The following PPM1L variants were observed in gnomAD, a reference collection of about 807,000 sequenced individuals.
PPM1L encodes the protein protein phosphatase 1L.
PPM1L carries 13 observed loss-of-function variants against 31.4 expected under a neutral mutation model. The ratio of observed to expected loss-of-function variants is 0.41; its 90% confidence interval spans 0.27 to 0.66. The LOEUF (loss-of-function observed/expected upper bound fraction) is 0.66. Ranked by LOEUF, PPM1L falls within the 30% of genes least tolerant of loss-of-function variation. The pLI, the probability that PPM1L is intolerant of heterozygous loss-of-function variation, is 0.29. For synonymous variants in PPM1L, 184 were observed against 175.4 expected, an observed-to-expected ratio of 1.05 and a Z score of -0.39; for missense variants, 326 against 453.7, an observed-to-expected ratio of 0.72 and a Z score of 2.56.
intron 1 of PPM1L, among the ~76,000 whole-genome samples, chr3:160,786,528 T>G (rs1375769645): frequency 6.6e-6 from 1 of 151,680 alleles, no homozygotes; most frequent in Non-Finnish European, 1.5e-5. Context: ...TAATTTTGTT[T>G]TTTAATTACG....
At chr3:160,987,405 C>T (rs527326486) in intron 2 of PPM1L, among the ~76,000 whole-genome samples, 1 of 152,268 alleles carries the variant, frequency 6.6e-6, no homozygotes, top group South Asian at 2.1e-4. Context: ...GCCTTGCTAA[C>T]AAGAACTATA....
intron 2 of PPM1L, among the ~76,000 whole-genome samples, chr3:160,979,893 C>T (rs960339961): frequency 5.3e-5 from 8 of 151,964 alleles, no homozygotes; most frequent in Middle Eastern, 6.8e-3. Flanking sequence ...TGGAATAAGT[C>T]GACAAAGGAA....
At chr3:161,043,659 G>C (rs1718972762) in intron 2 of PPM1L, among the ~76,000 whole-genome samples, 1 of 152,310 alleles carries the variant, frequency 6.6e-6, no homozygotes. Context: ...CCCTGAGTCT[G>C]TTGCCTTATT....
chr3:161,040,735 G>A (rs1395862585), intron 2 of PPM1L, among the ~76,000 whole-genome samples: 1 of 152,024 alleles, frequency 6.6e-6, no homozygotes, highest in Non-Finnish European at 1.5e-5. Context: ...TAAGGGGTCT[G>A]GGGAATCATA....
At chr3:160,951,538 A>T (rs1197940542) in intron 1 of PPM1L, among the ~76,000 whole-genome samples, 1 of 152,170 alleles carries the variant, frequency 6.6e-6, no homozygotes. Flanking sequence ...TAGAAAAGAG[A>T]GGTAAGTTAT....
intron 1 of PPM1L, among the ~76,000 whole-genome samples, chr3:160,892,215 TAC>T (rs1283921462): frequency 6.6e-6 from 1 of 152,206 alleles, no homozygotes; most frequent in Non-Finnish European, 1.5e-5. Flanking sequence ...CTGTAGGCTA[TAC>T]AGGCATGGTG....
intron 1 of PPM1L, among the ~76,000 whole-genome samples, chr3:160,900,269 A>G (rs1713495701): frequency 6.6e-6 from 1 of 152,062 alleles, no homozygotes; most frequent in African/African-American, 2.4e-5. Context: ...ACCAACAAAC[A>G]TTTATTTTGA....
chr3:160,799,103 A>C (rs1426439373), intron 1 of PPM1L, among the ~76,000 whole-genome samples: 1 of 152,238 alleles, frequency 6.6e-6, no homozygotes, highest in Non-Finnish European at 1.5e-5. Context: ...GAGCAAAGAA[A>C]GTGGTTTCTT....
At chr3:161,053,585 T>C (rs1044097556) in intron 2 of PPM1L, among the ~76,000 whole-genome samples, 1 of 152,234 alleles carries the variant, frequency 6.6e-6, no homozygotes, top group Non-Finnish European at 1.5e-5. Flanking sequence ...ATCTATACTT[T>C]AACTCTGGTG....
chr3:160,975,455 G>A (rs1336044166), intron 2 of PPM1L, among the ~76,000 whole-genome samples: 3 of 152,052 alleles, frequency 2.0e-5, no homozygotes, highest in Admixed American at 6.6e-5. Context: ...TCTGTAAATT[G>A]CCTTGGGCAG....
chr3:160,953,008 TA>T (rs1041302617), intron 1 of PPM1L, among the ~76,000 whole-genome samples: 1 of 152,206 alleles, frequency 6.6e-6, no homozygotes, highest in African/African-American at 2.4e-5. Flanking sequence ...TTAAAATTCT[TA>T]AACTTTTTAT....
chr3:160,897,042 C>CTTTTTTTTTTTTTTTTTTTTTT lies in PPM1L; in HGVS notation c.400-64675_400-64674insTTTTTTTTTTTTTTTTTTTTTT, dbSNP rs11298068. Among the ~76,000 whole-genome samples, 2 of 107,440 alleles carry CTTTTTTTTTTTTTTTTTTTTTT rather than the reference C, an allele frequency of 1.9e-5. 1 individual carries two copies. The highest frequency in any genetic ancestry group is 6.8e-5 in the African/African-American group (2 of 29,200). 70.5% of individuals were successfully genotyped at this position (107,440 alleles called of 152,430 possible). On this transcript the variant is annotated intron_variant, in intron 1 of 3. Transcript: ENST00000498165. Reference sequence around the variant, plus strand: ...GCTGACATTTCTATGACTACTGACTCTTTTTTTTTTTTTTTTTTTGAGATG... The same window carrying CTTTTTTTTTTTTTTTTTTTTTT: ...GCTGACATTTCTATGACTACTGACTCTTTTTTTTTTTTTTTTTTTTTTTTTTTTTTTTTTTTTTTTTGAGATG...
At chr3:160,869,720 G>GTGTA (rs1391715429) in intron 1 of PPM1L, among the ~76,000 whole-genome samples, 3 of 39,690 alleles carry the variant, frequency 7.6e-5, no homozygotes, top group African/African-American at 2.1e-4. Flanking sequence ...TGCAATGTAT[G>GTGTA]TGTGTGTGTG....
At chr3:160,763,489 T>C in intron 1 of PPM1L, among the ~76,000 whole-genome samples, 1 of 152,218 alleles carries the variant, frequency 6.6e-6, no homozygotes, top group East Asian at 1.9e-4. Flanking sequence ...ACACATTGCT[T>C]GTGACATAAC....
rs1415154923 is a variant in PPM1L, at chr3:161,034,595, GA to G, written c.575-30804del. ...ATCTCAGCAAAGTAACACAGGAACA[GA>G]AAACCAAACACTGCATGTTCTCATT... is the stretch of plus-strand genomic sequence containing the variant. On this transcript the variant is annotated intron_variant, in intron 2 of 3. Coordinates refer to ENST00000498165, the MANE Select transcript of PPM1L (RefSeq NM_139245.4). Among the ~76,000 whole-genome samples, 9 of 151,246 alleles carry G rather than the reference GA, an allele frequency of 6.0e-5. No homozygotes were observed. The South Asian group carries it at 6.3e-4, about 11-fold the overall frequency.
rs560491051 is a variant in PPM1L, at chr3:160,977,399, C to T, written c.574+15489C>T. On this transcript the variant is annotated intron_variant, in intron 2 of 3. Coordinates refer to ENST00000498165, the MANE Select transcript of PPM1L (RefSeq NM_139245.4). ...TATGTGCCAAGTTCTGGCTACGTGCCGAGAGTCTAAGAAATGGGTAAAGAC... is the reference window on the plus strand; with the variant it reads ...TATGTGCCAAGTTCTGGCTACGTGCTGAGAGTCTAAGAAATGGGTAAAGAC... 7.9e-5 allele frequency among the ~76,000 whole-genome samples: 12 copies of T among 152,244 alleles called. 1 individual carries two copies. The South Asian group carries it at 1.9e-3, about 24-fold the overall frequency.
chr3:160,849,334 G>T (rs1560125496), intron 1 of PPM1L, among the ~76,000 whole-genome samples: 1 of 152,116 alleles, frequency 6.6e-6, no homozygotes, highest in African/African-American at 2.4e-5. Context: ...TTCACATTCA[G>T]CATTCCCTGC....
chr3:161,039,398 T>TG lies in PPM1L; in HGVS notation c.575-26004dup, dbSNP rs756986731. Among the ~76,000 whole-genome samples the TG allele has an allele frequency of 2.0e-5, 3 of 152,164 alleles. No homozygotes were observed. In the South Asian group the frequency reaches 6.2e-4, roughly 31 times the overall value. ...AACTCAGCCATGTTAGGAAGTAAGG[T>TG]GACTGAATGGGGAAGCAGTAAGGAG... On this transcript the variant is annotated intron_variant, in intron 2 of 3. Transcript: ENST00000498165.
At chr3:160,952,030 G>C (rs906970654) in intron 1 of PPM1L, among the ~76,000 whole-genome samples, 2 of 152,184 alleles carry the variant, frequency 1.3e-5, no homozygotes, top group Non-Finnish European at 2.9e-5. Context: ...TCTTGAGGCA[G>C]AATTATGAAT....
Sources: allele counts gnomAD v4.1 joint callset (sites outside exome capture counted in the v4.1 genomes callset), GRCh38; gene constraint gnomAD v4.1.1; transcripts MANE v1.5; gene names NCBI Gene and HGNC (gene_info 2026-07-23, HGNC 2026-07-21).